STARD9: variants seen among roughly 807,000 people sequenced by gnomAD.
STARD9 encodes StAR related lipid transfer domain containing 9.
In STARD9, 346 loss-of-function variants were observed where a neutral mutation model predicts 399.8. The observed-to-expected ratio is 0.87, with a 90% CI of 0.79 to 0.95. The LOEUF is 0.95. STARD9 is among the 40% of genes least tolerant of loss of function. The pLI is 0.00. For synonymous variants in STARD9, 2,203 were observed against 2,143.5 expected, an observed-to-expected ratio of 1.03 and a Z score of -0.77; for missense variants, 5,832 against 5,667.5, an observed-to-expected ratio of 1.03 and a Z score of -0.93.
In STARD9 at chr15:42,691,064, A is replaced by G; in HGVS notation, c.9486A>G (p.Glu3162=). 2.6e-6 allele frequency: 4 copies of G among 1,537,216 alleles called. No individual in the cohort carries two copies. Among genetic ancestry groups the G allele is most frequent in the Non-Finnish European group, 2.6e-6 (3 of 1,146,902 alleles). Residue 3162 remains glutamate, a synonymous_variant, in exon 23 of 33, where the codon GAA becomes GAG. Transcript: ENST00000290607. ...ESKLVVEPQH[E]CLENTTRCFL... ...AGTTGGTGGTAGAGCCACAGCATGA[A>G]TGTTTAGAAAATACCACTAGATGTT...
chr15:42,687,191 A>G lies in STARD9; in HGVS notation c.5613A>G (p.Gln1871=), dbSNP rs2060579961. Residue 1871 remains glutamine (Q), a synonymous_variant, in exon 23 of 33, where the codon CAA becomes CAG. Transcript: ENST00000290607. ...TSTKVCEFEN[Q]VVILNKKHSF... ...CAAAAGTATGTGAATTTGAAAACCAAGTTGTAATTTTAAATAAAAAACACA... is the reference window on the plus strand; with the variant it reads ...CAAAAGTATGTGAATTTGAAAACCAGGTTGTAATTTTAAATAAAAAACACA... 6.5e-7 allele frequency: 1 copy of G among 1,537,328 alleles called. No homozygotes were observed.
chr15:42,619,493 G>A (rs1174494471), intron 3 of STARD9, among the ~76,000 whole-genome samples: 1 of 151,012 alleles, frequency 6.6e-6, no homozygotes, highest in African/African-American at 2.4e-5. Context: ...GTTTTAGGTT[G>A]CAGTGAGCCA....
At chr15:42,609,261 G>T (rs1428987531) in intron 3 of STARD9, among the ~76,000 whole-genome samples, 1 of 152,068 alleles carries the variant, frequency 6.6e-6, no homozygotes, top group Non-Finnish European at 1.5e-5. Context: ...GTTGAAGAAG[G>T]CTTCTAAGCC....
chr15:42,664,947 C>T (rs754565218), intron 13 of STARD9, among the ~76,000 whole-genome samples: 2 of 152,088 alleles, frequency 1.3e-5, no homozygotes, highest in Admixed American at 6.6e-5. Context: ...TGCTTGACCT[C>T]TAGGGAAATG....
rs908314987 is a variant in STARD9, at chr15:42,690,329, A to G, written c.8751A>G (p.Pro2917=). 6.5e-6 allele frequency: 10 copies of G among 1,537,164 alleles called. No individual in the cohort carries two copies. The African/African-American group carries it at 9.6e-5, about 15-fold the overall frequency. Residue 2917 remains proline, a synonymous_variant, in exon 23 of 33, where the codon CCA becomes CCG. Coordinates refer to ENST00000290607, the MANE Select transcript of STARD9 (RefSeq NM_020759.3). ...ANPGGIGEEA[P]CRHPREALDG... ...CTGGGGGAATTGGGGAGGAAGCCCCATGTAGACACCCAAGGGAAGCTTTAG... is the reference window on the plus strand; with the variant it reads ...CTGGGGGAATTGGGGAGGAAGCCCCGTGTAGACACCCAAGGGAAGCTTTAG...
At chr15:42,592,222 A>G (rs1341576858) in intron 3 of STARD9, among the ~76,000 whole-genome samples, 1 of 152,210 alleles carries the variant, frequency 6.6e-6, no homozygotes, top group East Asian at 1.9e-4. Context: ...TGTGAGTTCT[A>G]GATTTGAACA....
intron 3 of STARD9, among the ~76,000 whole-genome samples, chr15:42,628,102 G>A (rs2059261337): frequency 6.6e-6 from 1 of 151,818 alleles, no homozygotes; most frequent in Admixed American, 6.6e-5. Context: ...ATTCATTATT[G>A]CCTGTCTTTT....
intron 3 of STARD9, among the ~76,000 whole-genome samples, chr15:42,607,653 C>CAT (rs1325935245): frequency 7.7e-6 from 1 of 129,554 alleles, no homozygotes; most frequent in Non-Finnish European, 1.6e-5. Context: ...CACACTTATA[C>CAT]ACACACACAC....
Position 42,686,056 on chromosome 15 carries a change from T to C in STARD9, c.4478T>C (p.Leu1493Pro), listed in dbSNP as rs988207457. 5.9e-5 allele frequency: 90 copies of C among 1,537,132 alleles called. No homozygotes were observed. The highest frequency in any genetic ancestry group is 7.2e-5 in the Non-Finnish European group (83 of 1,146,872). ...TCTGCCCTTCAGCAGAAGTACCTCC[T>C]TGAACTCTCTTGTCCTGTTTTGGAG... ...DWSALQQKYL[L>P]ELSCPVLEAI... The change falls in exon 23 of 33, where the codon CTT (leucine) becomes CCT (proline). Residue 1493 changes from leucine (L) to proline (P), a missense_variant. By Grantham distance (98) the Leu-to-Pro change is moderately conservative (BLOSUM62 -3). Transcript: ENST00000290607.
intron 3 of STARD9, among the ~76,000 whole-genome samples, chr15:42,610,790 G>A (rs778137118): frequency 1.3e-5 from 2 of 152,052 alleles, no homozygotes; most frequent in African/African-American, 2.4e-5. Context: ...CAGGTGATCC[G>A]CTTATCTCAG....
intron 3 of STARD9, among the ~76,000 whole-genome samples, chr15:42,599,967 A>G (rs2058589684): frequency 6.6e-6 from 1 of 152,192 alleles, no homozygotes; most frequent in African/African-American, 2.4e-5. Flanking sequence ...TTTGTTTTGA[A>G]TGAGTTCAGG....
At chr15:42,625,391 C>T (rs1042833278) in intron 3 of STARD9, among the ~76,000 whole-genome samples, 12 of 151,516 alleles carry the variant, frequency 7.9e-5, no homozygotes, top group African/African-American at 2.2e-4. Context: ...AGTGCAGTGG[C>T]GCGATCTCGG....
intron 1 of STARD9, 142 bp downstream of exon 1, chr15:42,575,904 G>A: frequency 2.1e-6 from 2 of 935,004 alleles, no homozygotes; most frequent in Non-Finnish European, 3.3e-6. Flanking sequence ...AATCCACGGA[G>A]GCCTGGCGGG....
At chr15:42,607,194 CTTTTTTTTT>C (rs763484090) in intron 3 of STARD9, among the ~76,000 whole-genome samples, 1 of 39,266 alleles carries the variant, frequency 2.5e-5, no homozygotes, top group East Asian at 1.1e-3. Context: ...TTTTCTGGTG[CTTTTTTTTT>C]TTTTTTTTTT....
chr15:42,635,598 G>A (rs1340931848), intron 4 of STARD9, among the ~76,000 whole-genome samples: 1 of 152,058 alleles, frequency 6.6e-6, no homozygotes, highest in Non-Finnish European at 1.5e-5. Context: ...CAAAGTGCTG[G>A]GATTACAGGC....
intron 20 of STARD9, among the ~76,000 whole-genome samples, chr15:42,678,146 T>A (rs954239339): frequency 6.6e-6 from 1 of 151,682 alleles, no homozygotes; most frequent in African/African-American, 2.4e-5. Context: ...CTGGTGGAGG[T>A]GGTGTGGTGT....
chr15:42,689,257 C>T lies in STARD9; in HGVS notation c.7679C>T (p.Ala2560Val). The T allele has an allele frequency of 6.5e-7, 1 of 1,537,230 alleles. No homozygotes were observed. ...AILEEIRQAKAQRKQLHDFVA... is the reference protein window; with the variant it reads ...AILEEIRQAKVQRKQLHDFVA... ...TTGGAGGAGATCAGACAGGCAAAGG[C>T]CCAGAGAAAGCAGCTTCATGACTTT... The change falls in exon 23 of 33, where the codon GCC (alanine) becomes GTC (valine). Residue 2560 changes from alanine (A) to valine (V), a missense_variant. Coordinates refer to ENST00000290607, the MANE Select transcript of STARD9 (RefSeq NM_020759.3).
chr15:42,667,545 A>AG (rs2060126784), intron 15 of STARD9, among the ~76,000 whole-genome samples: 1 of 151,388 alleles, frequency 6.6e-6, no homozygotes, highest in African/African-American at 2.4e-5. Context: ...GCAATGGTGT[A>AG]ATCTCGGCTC....
chr15:42,619,918 G>A (rs1443250985), intron 3 of STARD9, among the ~76,000 whole-genome samples: 3 of 152,176 alleles, frequency 2.0e-5, no homozygotes, highest in Non-Finnish European at 2.9e-5. Context: ...CTTGAGGTTG[G>A]GGTTGAATAA....
Sources: gnomAD v4.1 joint callset for allele counts (sites outside exome capture counted in the v4.1 genomes callset) on GRCh38, gnomAD v4.1.1 for gene constraint, MANE v1.5 for transcripts, NCBI Gene and HGNC (gene_info 2026-07-23, HGNC 2026-07-21) for gene names.